PPP1R9A: variants seen among roughly 807,000 people sequenced by gnomAD.
PPP1R9A encodes protein phosphatase 1 regulatory subunit 9A.
Under a neutral mutation model 141.9 loss-of-function variants are expected in PPP1R9A, and 59 were observed. The observed-to-expected ratio is 0.42, with a 90% CI of 0.34 to 0.52. The LOEUF (loss-of-function observed/expected upper bound fraction) is 0.52, where lower values mean the gene tolerates loss of function less well. PPP1R9A is among the 20% of genes least tolerant of loss of function. PPP1R9A has a pLI of 0.10. For missense variants in PPP1R9A, 1,444 were observed against 1,611.9 expected, an observed-to-expected ratio of 0.90 and a Z score of 1.78; for synonymous variants, 500 against 569.7, an observed-to-expected ratio of 0.88 and a Z score of 1.74.
In PPP1R9A at chr7:95,295,255, AT is replaced by A. The variant is rs1256388273; in HGVS notation, c.*4956del. On this transcript the variant is annotated 3_prime_UTR_variant, in exon 20 of 20. Transcript: ENST00000433360. ...TGTGTATACATTGAATGGCTCATAG[AT>A]TTTAAGAGATTTTTTTATTGTAAGT... The A allele has an allele frequency of 6.6e-6, 1 of 152,630 alleles. No homozygotes were observed. Among genetic ancestry groups the A allele is most frequent in the African/African-American group, 2.4e-5 (1 of 41,450 alleles). The allele number at this position is 152,630 out of a possible 1,614,324, so 9.5% of individuals were successfully genotyped here.
At chr7:94,927,881 A>T (rs1793673314) in intron 2 of PPP1R9A, among the ~76,000 whole-genome samples, 1 of 152,210 alleles carries the variant, frequency 6.6e-6, no homozygotes, top group Non-Finnish European at 1.5e-5. Context: ...TCTTTGGATC[A>T]TGCAATGTCT....
intron 7 of PPP1R9A, among the ~76,000 whole-genome samples, chr7:95,210,285 C>T (rs1791800783): frequency 6.6e-6 from 1 of 151,952 alleles, no homozygotes; most frequent in South Asian, 2.1e-4. Flanking sequence ...AAATCCTTTT[C>T]AAGGCAACCT....
At chr7:95,034,300 C>T (rs1032598215) in intron 2 of PPP1R9A, among the ~76,000 whole-genome samples, 2 of 151,858 alleles carry the variant, frequency 1.3e-5, no homozygotes, top group African/African-American at 4.8e-5. Context: ...TATATAATAT[C>T]AATAAACATA....
intron 12 of PPP1R9A, among the ~76,000 whole-genome samples, chr7:95,267,726 C>T (rs904785932): frequency 2.0e-5 from 3 of 152,018 alleles, no homozygotes; most frequent in African/African-American, 7.2e-5. Context: ...AGTATTTACC[C>T]TTCGAAAATC....
At chr7:95,261,391 T>G in intron 12 of PPP1R9A, among the ~76,000 whole-genome samples, 1 of 152,218 alleles carries the variant, frequency 6.6e-6, no homozygotes, top group East Asian at 1.9e-4. Context: ...GAAATAATTC[T>G]GTTTTAATAC....
At chr7:94,909,706 CTT>C (rs34862598) in intron 1 of PPP1R9A, among the ~76,000 whole-genome samples, 190 bp from the exon 2 acceptor site, 63 of 128,454 alleles carry the variant, frequency 4.9e-4, no homozygotes, top group Admixed American at 6.2e-4. Context: ...GTGTTTGGAA[CTT>C]TTTTTTTTTT....
Position 95,203,664 on chromosome 7 carries a change from G to T in PPP1R9A, c.1891-1G>T. 1 of 1,535,638 alleles carries T rather than the reference G, an allele frequency of 6.5e-7. No individual in the cohort carries two copies. ...TTAATATTTTTTGTCAACCATTTTA[G>T]AACACTGTGGCTGAATTGCAAGGAA... On this transcript the variant is annotated splice_acceptor_variant, in intron 6 of 19. Coordinates refer to ENST00000433360, the MANE Select transcript of PPP1R9A (RefSeq NM_001166160.2). LOFTEE classifies it high-confidence loss of function.
chr7:95,208,041 A>T (rs1791219622), intron 7 of PPP1R9A, among the ~76,000 whole-genome samples: 1 of 152,244 alleles, frequency 6.6e-6, no homozygotes, highest in African/African-American at 2.4e-5. Flanking sequence ...AAAGATTTTT[A>T]AATGGAATTT....
At chr7:95,128,873 C>T (rs907801409) in intron 4 of PPP1R9A, among the ~76,000 whole-genome samples, 3 of 152,202 alleles carry the variant, frequency 2.0e-5, no homozygotes, top group Admixed American at 6.5e-5. Flanking sequence ...CCATCATGCC[C>T]GGCCTTTTGT....
chr7:95,193,687 T>C (rs955990609), intron 5 of PPP1R9A, among the ~76,000 whole-genome samples: 2 of 152,084 alleles, frequency 1.3e-5, no homozygotes, highest in East Asian at 1.9e-4. Context: ...ATTTATTATA[T>C]AACCTGTTAT....
At chr7:94,983,531 G>T (rs1175778289) in intron 2 of PPP1R9A, among the ~76,000 whole-genome samples, 1 of 152,040 alleles carries the variant, frequency 6.6e-6, no homozygotes, top group East Asian at 1.9e-4. Context: ...AGTTCTCCTT[G>T]AAGAGGTCGT....
At chr7:95,121,409 G>C (rs1241357675) in intron 4 of PPP1R9A, among the ~76,000 whole-genome samples, 1 of 152,068 alleles carries the variant, frequency 6.6e-6, no homozygotes, top group Non-Finnish European at 1.5e-5. Flanking sequence ...GATTATCACT[G>C]TTTTGTCTTA....
intron 2 of PPP1R9A, among the ~76,000 whole-genome samples, chr7:95,052,806 A>G (rs1383781283): frequency 1.3e-5 from 2 of 152,124 alleles, no homozygotes; most frequent in African/African-American, 4.8e-5. Flanking sequence ...TCTTGAAGTC[A>G]TTTTCAATGT....
At chr7:95,020,565 A>G (rs1196094281) in intron 2 of PPP1R9A, among the ~76,000 whole-genome samples, 1 of 151,904 alleles carries the variant, frequency 6.6e-6, no homozygotes, top group East Asian at 1.9e-4. Flanking sequence ...GCACCCATCA[A>G]CCCGTCATCT....
rs1413399843 is a variant in PPP1R9A, at chr7:95,203,599, C to G, written c.1891-66C>G. The G allele has an allele frequency of 5.7e-6, 7 of 1,229,556 alleles. No individual in the cohort carries two copies. In the East Asian group the frequency reaches 1.8e-4, roughly 31 times the overall value. 76.2% of individuals were successfully genotyped at this position (1,229,556 alleles called of 1,614,324 possible). A position where few individuals can be genotyped will look rare whatever the true frequency, so the allele number is the denominator to read the frequency against. ...CACTGGGACTCAGTGTTTTTCAATC[C>G]TTTATCAGGCTGCTCTCTGCGGTGG... is the stretch of plus-strand genomic sequence containing the variant. On this transcript the variant is annotated intron_variant, in intron 6 of 19. Transcript: ENST00000433360.
intron 4 of PPP1R9A, among the ~76,000 whole-genome samples, chr7:95,130,591 C>T (rs1020652373): frequency 6.6e-6 from 1 of 152,116 alleles, no homozygotes; most frequent in Non-Finnish European, 1.5e-5. Context: ...TGGGTACATC[C>T]ACTGACAGCT....
chr7:94,908,553 G>T (rs985111944), intron 1 of PPP1R9A: 1 of 152,186 alleles, frequency 6.6e-6, no homozygotes, highest in African/African-American at 2.4e-5. Context: ...AGGGCCGAGG[G>T]ATTGCGTCCC....
chr7:95,183,424 G>A, intron 5 of PPP1R9A, among the ~76,000 whole-genome samples: 1 of 145,556 alleles, frequency 6.9e-6, no homozygotes, highest in African/African-American at 2.6e-5. Flanking sequence ...ACAGGCATGA[G>A]TCACCCTTCC....
At chr7:95,135,833 G>A (rs1337114157) in intron 4 of PPP1R9A, among the ~76,000 whole-genome samples, 1 of 138,770 alleles carries the variant, frequency 7.2e-6, no homozygotes, top group Non-Finnish European at 1.5e-5. Context: ...TTCTGTTTGA[G>A]AGATTAAGCT....
Sources: allele counts gnomAD v4.1 joint callset (sites outside exome capture counted in the v4.1 genomes callset), GRCh38; gene constraint gnomAD v4.1.1; transcripts MANE v1.5; gene names NCBI Gene and HGNC (gene_info 2026-07-23, HGNC 2026-07-21).